SAMTOR: variants seen among roughly 807,000 people sequenced by gnomAD.
The protein encoded by SAMTOR is S-adenosylmethionine sensor upstream of mTORC1.
the SAMTOR span, among the ~76,000 whole-genome samples, chr7:112,857,869 G>A: frequency 2.0e-5 from 3 of 152,126 alleles, no homozygotes; most frequent in Non-Finnish European, 4.4e-5. Context: ...AGCAACCTAT[G>A]ACATCCCAGT....
At chr7:112,918,778 A>C in the SAMTOR span, among the ~76,000 whole-genome samples, 67 of 152,330 alleles carry the variant, frequency 4.4e-4, no homozygotes, top group African/African-American at 1.3e-3. Flanking sequence ...GGAAAACTAA[A>C]AAAGGCAGCA....
At chr7:112,918,394 T>C in the SAMTOR span, among the ~76,000 whole-genome samples, 62 of 152,204 alleles carry the variant, frequency 4.1e-4, no homozygotes, top group Admixed American at 3.1e-3. Context: ...GACAAGCAAA[T>C]GCTGAGAGAT....
the SAMTOR span, among the ~76,000 whole-genome samples, chr7:112,899,181 A>C: frequency 6.6e-6 from 1 of 152,154 alleles, no homozygotes; most frequent in African/African-American, 2.4e-5. Context: ...ATCTCAATGA[A>C]CTTCAAAAAA....
chr7:112,915,972 T>C, the SAMTOR span, among the ~76,000 whole-genome samples: 8 of 152,144 alleles, frequency 5.3e-5, no homozygotes, highest in Non-Finnish European at 5.9e-5. Context: ...TAAAAAGGGG[T>C]TGGTAGGTAA....
the SAMTOR span, among the ~76,000 whole-genome samples, chr7:112,910,640 C>T: frequency 2.6e-5 from 4 of 151,984 alleles, no homozygotes; most frequent in East Asian, 1.9e-4. Flanking sequence ...TCTCTAATGG[C>T]GGTACACCTC....
At chr7:112,911,471 G>A in the SAMTOR span, among the ~76,000 whole-genome samples, 5 of 151,914 alleles carry the variant, frequency 3.3e-5, no homozygotes, top group South Asian at 1.0e-3. Flanking sequence ...TGTCTCTCTG[G>A]AGAAAAAGGG....
chr7:112,827,667 A>G, the SAMTOR span, among the ~76,000 whole-genome samples: 1 of 152,146 alleles, frequency 6.6e-6, no homozygotes, highest in Non-Finnish European at 1.5e-5. Context: ...ATAATATGTA[A>G]TGCAATGTAA....
the SAMTOR span, chr7:112,832,468 A>C: frequency 1.3e-6 from 1 of 746,854 alleles, no homozygotes; most frequent in Non-Finnish European, 2.4e-6. Context: ...TACACAGGAA[A>C]TACATTTGCT....
At chr7:112,852,989 T>C in the SAMTOR span, among the ~76,000 whole-genome samples, 1 of 151,890 alleles carries the variant, frequency 6.6e-6, no homozygotes, top group East Asian at 1.9e-4. Flanking sequence ...GTTAGGCTGG[T>C]TTCTCTTTTC....
At chr7:112,890,018 T>A in the SAMTOR span, among the ~76,000 whole-genome samples, 3 of 152,112 alleles carry the variant, frequency 2.0e-5, no homozygotes, top group African/African-American at 7.2e-5. Flanking sequence ...TGTGGTTGGG[T>A]TGAGCTGCAG....
chr7:112,833,317 T>C, the SAMTOR span, among the ~76,000 whole-genome samples: 11 of 152,218 alleles, frequency 7.2e-5, no homozygotes, highest in Non-Finnish European at 1.3e-4. Context: ...TATTGGGCTA[T>C]GGTTAAGGAG....
chr7:112,899,977 T>C, the SAMTOR span, among the ~76,000 whole-genome samples: 1 of 152,118 alleles, frequency 6.6e-6, no homozygotes, highest in Middle Eastern at 3.4e-3. Context: ...CAATAAGAAA[T>C]CATCTGAAAG....
the SAMTOR span, among the ~76,000 whole-genome samples, chr7:112,836,856 G>A: frequency 6.6e-6 from 1 of 152,046 alleles, no homozygotes; most frequent in Non-Finnish European, 1.5e-5. Flanking sequence ...CTATAGTATC[G>A]TTTGAAGTTG....
the SAMTOR span, among the ~76,000 whole-genome samples, chr7:112,854,074 T>C: frequency 2.0e-5 from 3 of 152,114 alleles, no homozygotes; most frequent in East Asian, 3.8e-4. Context: ...GTAAAATTTA[T>C]TACTAGATAC....
the SAMTOR span, among the ~76,000 whole-genome samples, chr7:112,896,622 C>T: frequency 1.6e-4 from 24 of 152,194 alleles, no homozygotes; most frequent in Non-Finnish European, 2.8e-4. Context: ...TTATTAAGTA[C>T]GCATCATGTG....
chr7:112,939,821 A>G, the SAMTOR span: 1 of 1,235,238 alleles, frequency 8.1e-7, no homozygotes, highest in Non-Finnish European at 1.1e-6. Flanking sequence ...GAGGTGGGGT[A>G]GGAGGAGGGA....
the SAMTOR span, among the ~76,000 whole-genome samples, chr7:112,898,073 T>C: frequency 6.6e-6 from 1 of 152,216 alleles, no homozygotes; most frequent in Admixed American, 6.5e-5. Context: ...AACACAGCAC[T>C]GGGCAGAAAT....
the SAMTOR span, chr7:112,895,701 T>G: frequency 6.4e-7 from 1 of 1,573,268 alleles, no homozygotes; most frequent in African/African-American, 1.3e-5. Context: ...CTCAAGTGCT[T>G]TTCTCTTCCC....
the SAMTOR span, among the ~76,000 whole-genome samples, chr7:112,925,358 ATAAG>A: frequency 1.3e-5 from 2 of 152,236 alleles, no homozygotes; most frequent in African/African-American, 4.8e-5. Flanking sequence ...TCTATACATT[ATAAG>A]TAAATACATA....
Sources: allele counts gnomAD v4.1 joint callset (sites outside exome capture counted in the v4.1 genomes callset), GRCh38; gene constraint gnomAD v4.1.1; transcripts MANE v1.5; gene names NCBI Gene and HGNC (gene_info 2026-07-23, HGNC 2026-07-21).